Variants in SYNDIG1 observed in about 807,000 individuals in gnomAD.
The protein encoded by SYNDIG1 is synapse differentiation-inducing gene protein 1.
SYNDIG1 carries 9 observed loss-of-function variants against 19.4 expected under a neutral mutation model. That is an observed-to-expected ratio of 0.46 (90% confidence interval 0.28 to 0.81). The LOEUF is 0.81. Ranked by LOEUF, SYNDIG1 falls within the 30% of genes least tolerant of loss-of-function variation. The pLI is 0.12. For missense variants in SYNDIG1, 311 were observed against 343.3 expected (o/e 0.91, Z 0.74); for synonymous variants, 141 against 145.9 (o/e 0.97, Z 0.24).
chr20:24,557,952 C>G (rs571811341), intron 2 of SYNDIG1, among the ~76,000 whole-genome samples: 2 of 152,328 alleles, frequency 1.3e-5, no homozygotes, highest in East Asian at 3.9e-4. Context: ...GGGCTTTAAT[C>G]AGGTGCTGCA....
intron 2 of SYNDIG1, among the ~76,000 whole-genome samples, chr20:24,575,758 A>G (rs1214279471): frequency 6.6e-6 from 1 of 152,220 alleles, no homozygotes; most frequent in African/African-American, 2.4e-5. Context: ...AGGAGGAAAA[A>G]TCTGTTTACT....
In SYNDIG1 at chr20:24,655,271, T is replaced by C. The variant is rs1487462132; in HGVS notation, c.619-10075T>C. ...GTATTAATGGGTGTGGTAAAAACTA[T>C]AGCAACTGAAGCCAGAAGAAAAGAG... On this transcript the variant is annotated intron_variant, in intron 3 of 3. Coordinates refer to ENST00000376862, the MANE Select transcript of SYNDIG1 (RefSeq NM_024893.3). Among the ~76,000 whole-genome samples, 9 of 152,286 alleles carry C rather than the reference T, an allele frequency of 5.9e-5. No individual in the cohort carries two copies. In the East Asian group the frequency reaches 1.7e-3, roughly 29 times the overall value.
At chr20:24,564,186 A>C (rs2057998462) in intron 2 of SYNDIG1, among the ~76,000 whole-genome samples, 2 of 152,230 alleles carry the variant, frequency 1.3e-5, no homozygotes, top group Non-Finnish European at 2.9e-5. Flanking sequence ...AAAATTAAAC[A>C]GAAGAAACAC....
At chr20:24,655,935 C>T (rs2059520623) in intron 3 of SYNDIG1, among the ~76,000 whole-genome samples, 1 of 152,236 alleles carries the variant, frequency 6.6e-6, no homozygotes, top group Non-Finnish European at 1.5e-5. Context: ...TCACTGCACA[C>T]ACAGGGGTGA....
intron 3 of SYNDIG1, among the ~76,000 whole-genome samples, chr20:24,630,354 T>C (rs2059221676): frequency 1.3e-5 from 2 of 152,172 alleles, no homozygotes; most frequent in Admixed American, 1.3e-4. Context: ...CCCCAAACAC[T>C]GTGGAAATGA....
At position 24,658,749 on chromosome 20, in the gene SYNDIG1, G is replaced by A. The variant is rs888076779; in HGVS notation, c.619-6597G>A. 2.0e-5 allele frequency among the ~76,000 whole-genome samples: 3 copies of A among 152,066 alleles called. No homozygotes were observed. Among genetic ancestry groups the A allele is most frequent in the Admixed American group, 1.3e-4 (2 of 15,282 alleles). ...CAACGCCCAGAGCTTCGTTTCAGGC[G>A]TTCACCACAGGCTCTTCTCCCAGCG... On this transcript the variant is annotated intron_variant, in intron 3 of 3. Coordinates refer to ENST00000376862, the MANE Select transcript of SYNDIG1 (RefSeq NM_024893.3). This position sits in a 1 kb window ranked among gnomAD's most constrained non-coding sequence, Gnocchi z 4.4.
chr20:24,587,025 T>A (rs549630153), intron 3 of SYNDIG1, among the ~76,000 whole-genome samples: 1 of 152,328 alleles, frequency 6.6e-6, no homozygotes, highest in Admixed American at 6.5e-5. Context: ...AGTAAGAGCC[T>A]CTTAGGCTTG....
rs532796476 is a variant in SYNDIG1, at chr20:24,517,918, G to C, written c.-78-25102G>C. Among the ~76,000 whole-genome samples the C allele has an allele frequency of 6.0e-5, 9 of 151,046 alleles. No homozygotes were observed. In the East Asian group the frequency reaches 1.4e-3, roughly 24 times the overall value. ...CCTCCTAGGTTCACACCTTTCTCCT[G>C]CCTCAGTCTCCCAAGTAGCTGGGAC... On this transcript the variant is annotated intron_variant, in intron 1 of 3. Transcript: ENST00000376862.
At chr20:24,482,216 T>G (rs546389643) in intron 1 of SYNDIG1, among the ~76,000 whole-genome samples, 39 of 152,312 alleles carry the variant, frequency 2.6e-4, no homozygotes, top group Admixed American at 1.5e-3. Context: ...TGTTGTTGTT[T>G]TTTCTGAGAT....
intron 1 of SYNDIG1, among the ~76,000 whole-genome samples, 171 bp downstream of exon 1, chr20:24,469,924 CG>C: frequency 6.6e-6 from 1 of 151,948 alleles, no homozygotes; most frequent in South Asian, 2.1e-4. Context: ...GTGGCGCCCG[CG>C]GTAAGTCCGG....
At chr20:24,568,843 T>C (rs1290811338) in intron 2 of SYNDIG1, among the ~76,000 whole-genome samples, 1 of 152,236 alleles carries the variant, frequency 6.6e-6, no homozygotes, top group African/African-American at 2.4e-5. Flanking sequence ...TGCATAAATG[T>C]GTTCACCTGA....
intron 1 of SYNDIG1, among the ~76,000 whole-genome samples, chr20:24,476,918 C>T (rs2055644474): frequency 6.6e-6 from 1 of 151,812 alleles, no homozygotes; most frequent in South Asian, 2.1e-4. Context: ...TGTGGGTCCT[C>T]TTGTGTAACA....
chr20:24,656,094 G>C (rs1049766289), intron 3 of SYNDIG1, among the ~76,000 whole-genome samples: 59 of 152,216 alleles, frequency 3.9e-4, no homozygotes, highest in African/African-American at 1.3e-3. Context: ...GGGGGCACAG[G>C]AAGGCCTTGG....
intron 3 of SYNDIG1, among the ~76,000 whole-genome samples, chr20:24,637,933 T>C (rs1332489183): frequency 6.6e-6 from 1 of 152,198 alleles, no homozygotes; most frequent in East Asian, 1.9e-4. Flanking sequence ...AGAAGCATCT[T>C]AGAAACTGCT....
intron 3 of SYNDIG1, among the ~76,000 whole-genome samples, chr20:24,655,794 C>T (rs1343104043): frequency 2.0e-5 from 3 of 148,052 alleles, no homozygotes; most frequent in Admixed American, 6.7e-5. Context: ...AAAAAAAAGA[C>T]TAGAATGTTC....
intron 3 of SYNDIG1, among the ~76,000 whole-genome samples, chr20:24,647,411 C>T (rs1333582450): frequency 6.6e-6 from 1 of 152,056 alleles, no homozygotes; most frequent in Admixed American, 6.6e-5. Context: ...GCTTCAGAGG[C>T]AAGTTTCTTC....
At chr20:24,527,683 T>C (rs901365898) in intron 1 of SYNDIG1, among the ~76,000 whole-genome samples, 2 of 152,174 alleles carry the variant, frequency 1.3e-5, no homozygotes, top group African/African-American at 4.8e-5. Flanking sequence ...TTGTTTCTAT[T>C]CTGCCTGTAA....
intron 3 of SYNDIG1, among the ~76,000 whole-genome samples, chr20:24,627,186 CTGCCT>C (rs2059162435): frequency 6.6e-6 from 1 of 150,994 alleles, no homozygotes; most frequent in Admixed American, 6.6e-5. Context: ...AGAGCGAGAG[CTGCCT>C]GGGACATTGA....
intron 2 of SYNDIG1, among the ~76,000 whole-genome samples, chr20:24,581,943 C>T (rs980737569): frequency 1.3e-5 from 2 of 151,758 alleles, no homozygotes; most frequent in Non-Finnish European, 2.9e-5. Flanking sequence ...ACCTGCACAT[C>T]CTCCCTGCTG....
Sources: allele counts gnomAD v4.1 joint callset (sites outside exome capture counted in the v4.1 genomes callset), GRCh38; gene constraint gnomAD v4.1.1; non-coding constraint Gnocchi (gnomAD v3.1); transcripts MANE v1.5; gene names NCBI Gene and HGNC (gene_info 2026-07-23, HGNC 2026-07-21).